Variants in XKR6 observed in about 807,000 individuals in gnomAD.
XKR6 encodes XK related 6, also known as XK-related protein 6.
A neutral mutation model predicts 56.7 loss-of-function variants in XKR6; 22 were observed. That is an observed-to-expected ratio of 0.39 (90% CI 0.28 to 0.55). The LOEUF (loss-of-function observed/expected upper bound fraction) is 0.55, where lower values mean the gene tolerates loss of function less well. XKR6 is among the 20% of genes least tolerant of loss of function. The probability of loss-of-function intolerance (pLI) is 0.66; values close to 1 mark genes in which losing one functional copy is unlikely to be tolerated. For synonymous variants in XKR6, 524 were observed against 387.8 expected, an observed-to-expected ratio of 1.35 and a Z score of -4.13; for missense variants, 852 against 889.0, an observed-to-expected ratio of 0.96 and a Z score of 0.53.
intron 1 of XKR6, among the ~76,000 whole-genome samples, chr8:11,127,897 T>A (rs1799906176): frequency 1.3e-5 from 2 of 152,328 alleles, no homozygotes; most frequent in Admixed American, 1.3e-4. Context: ...AATGAAGCAA[T>A]ACGATTTTAT....
intron 1 of XKR6, among the ~76,000 whole-genome samples, chr8:11,077,446 T>C (rs144473593): frequency 6.6e-6 from 1 of 152,148 alleles, no homozygotes. Flanking sequence ...ACTTTGAGTA[T>C]GAGACTGTGG....
Position 10,924,695 on chromosome 8 carries a change from C to A in XKR6, c.900G>T (p.Ala300=). The change falls in exon 2 of 3, where the codon GCG becomes GCT. Residue 300 remains alanine (A), a synonymous_variant. Coordinates refer to ENST00000416569, the MANE Select transcript of XKR6 (RefSeq NM_173683.4). ...TGTAGAGCTGTAGCACCAGTTGGGG[C>A]GCGCTCTCCAGGAAGGTCTCCAGGA... ...LRLLETFLES[A]PQLVLQLYIM... 6.2e-7 allele frequency: 1 copy of A among 1,613,314 alleles called. No homozygotes were observed. The highest frequency in any genetic ancestry group is 1.3e-5 in the African/African-American group (1 of 75,020).
intron 1 of XKR6, chr8:11,175,157 G>C (rs1802589872): frequency 6.6e-6 from 1 of 152,566 alleles, no homozygotes; most frequent in Non-Finnish European, 1.5e-5. Context: ...AGGCCATCGA[G>C]GTTGCATATA....
chr8:10,896,610 C>T lies in XKR6; in HGVS notation c.*1342G>A, dbSNP rs1395048280. 1.3e-5 allele frequency: 2 copies of T among 152,556 alleles called. No individual in the cohort carries two copies. The highest frequency in any genetic ancestry group is 2.9e-5 in the Non-Finnish European group (2 of 68,038). The allele number at this position is 152,556 out of a possible 1,614,324, so 9.5% of individuals were successfully genotyped here. A position where few individuals can be genotyped will look rare whatever the true frequency, so the allele number is the denominator to read the frequency against. ...TACACACACAAAATTTCCCATTCAACCCAGATGCACCAGGTGAGCTGAATG... is the reference window on the plus strand; with the variant it reads ...TACACACACAAAATTTCCCATTCAATCCAGATGCACCAGGTGAGCTGAATG... On this transcript the variant is annotated 3_prime_UTR_variant, in exon 3 of 3. Coordinates refer to ENST00000416569, the MANE Select transcript of XKR6 (RefSeq NM_173683.4).
At chr8:11,124,099 T>G (rs1486431107) in intron 1 of XKR6, 1 of 430,592 alleles carries the variant, frequency 2.3e-6, no homozygotes, top group Non-Finnish European at 4.7e-6. Context: ...ACATACTATA[T>G]TTTTACTTAT....
intron 1 of XKR6, chr8:11,109,410 T>C (rs1411095844): frequency 6.6e-6 from 1 of 152,208 alleles, no homozygotes; most frequent in Admixed American, 6.5e-5. Context: ...ATTCAGAACA[T>C]ACCAGAACAA....
chr8:11,058,094 T>C (rs1186965273), intron 1 of XKR6, among the ~76,000 whole-genome samples: 1 of 152,256 alleles, frequency 6.6e-6, no homozygotes, highest in Non-Finnish European at 1.5e-5. Flanking sequence ...AATATCGGAC[T>C]GGGTCTCCCC....
chr8:11,034,414 G>T (rs1169326662), intron 1 of XKR6, among the ~76,000 whole-genome samples: 2 of 152,326 alleles, frequency 1.3e-5, no homozygotes, highest in African/African-American at 4.8e-5. Flanking sequence ...CATTTATGGG[G>T]AAGGGGAAGA....
At chr8:11,185,607 T>C (rs754679077) in intron 1 of XKR6, among the ~76,000 whole-genome samples, 4 of 152,216 alleles carry the variant, frequency 2.6e-5, no homozygotes, top group South Asian at 2.1e-4. Flanking sequence ...TCCTGGGAGA[T>C]GGCACCCAAT....
chr8:10,916,417 G>A (rs1800565198), intron 2 of XKR6, among the ~76,000 whole-genome samples: 1 of 152,210 alleles, frequency 6.6e-6, no homozygotes, highest in Non-Finnish European at 1.5e-5. Context: ...TAGAGACGGT[G>A]ACAGCTAATG....
At chr8:11,032,827 C>T (rs1310754500) in intron 1 of XKR6, among the ~76,000 whole-genome samples, 1 of 152,282 alleles carries the variant, frequency 6.6e-6, no homozygotes, top group East Asian at 1.9e-4. Flanking sequence ...AGGTAATGCC[C>T]ACAAAGGTGT....
intron 1 of XKR6, among the ~76,000 whole-genome samples, chr8:11,152,975 T>C (rs145087717): frequency 4.6e-4 from 70 of 152,328 alleles, no homozygotes; most frequent in African/African-American, 1.6e-3. Flanking sequence ...ATGCCACGGT[T>C]TGGTTTGTTT....
intron 1 of XKR6, among the ~76,000 whole-genome samples, chr8:10,940,030 C>T (rs1413936303): frequency 6.6e-6 from 1 of 152,172 alleles, no homozygotes; most frequent in East Asian, 1.9e-4. Flanking sequence ...AGAAATCCTG[C>T]GTCGACGTGT....
At chr8:11,108,747 C>T (rs147204637) in intron 1 of XKR6, 1 of 188,840 alleles carries the variant, frequency 5.3e-6, no homozygotes, top group South Asian at 1.1e-4. Flanking sequence ...GGCGCGAGAA[C>T]AGAGTCAGAT....
intron 1 of XKR6, among the ~76,000 whole-genome samples, chr8:11,030,871 C>G (rs1172831843): frequency 6.6e-6 from 1 of 152,210 alleles, no homozygotes; most frequent in African/African-American, 2.4e-5. Context: ...TCATTGACCA[C>G]CTATGTCACT....
chr8:11,051,373 A>T (rs1465574814), intron 1 of XKR6, among the ~76,000 whole-genome samples: 1 of 151,780 alleles, frequency 6.6e-6, no homozygotes, highest in African/African-American at 2.4e-5. Context: ...CTAGATACTG[A>T]TGACTCCCAA....
intron 1 of XKR6, among the ~76,000 whole-genome samples, chr8:11,048,290 T>C (rs1332659751): frequency 6.6e-6 from 1 of 152,144 alleles, no homozygotes; most frequent in African/African-American, 2.4e-5. Context: ...CCTGCAGTTC[T>C]GAAACATCAA....
At chr8:11,158,655 A>G (rs1563182450) in intron 1 of XKR6, among the ~76,000 whole-genome samples, 1 of 152,228 alleles carries the variant, frequency 6.6e-6, no homozygotes, top group Non-Finnish European at 1.5e-5. Context: ...CAAAACGTTT[A>G]AACACAGGTC....
intron 1 of XKR6, among the ~76,000 whole-genome samples, chr8:10,951,479 A>G (rs7008460): frequency 0.19 from 28,557 of 152,182 alleles, 3,767 homozygotes; most frequent in African/African-American, 0.37. Flanking sequence ...TGCATCGGGA[A>G]GAACTTGGTT....
Sources: gnomAD v4.1 joint callset for allele counts (sites outside exome capture counted in the v4.1 genomes callset) on GRCh38, gnomAD v4.1.1 for gene constraint, MANE v1.5 for transcripts, NCBI Gene and HGNC (gene_info 2026-07-23, HGNC 2026-07-21) for gene names.